CNTN4: variants seen among roughly 807,000 people sequenced by gnomAD.
CNTN4 encodes contactin-4.
A neutral mutation model predicts 122.5 loss-of-function variants in CNTN4; 77 were observed. The ratio of observed to expected loss-of-function variants is 0.63; its 90% confidence interval spans 0.52 to 0.76. The LOEUF (loss-of-function observed/expected upper bound fraction) is 0.76, where lower values mean the gene tolerates loss of function less well. Ranked by LOEUF, CNTN4 falls within the 30% of genes least tolerant of loss-of-function variation. The pLI is 0.00. For missense variants in CNTN4, 1,256 were observed against 1,259.1 expected (o/e 1.00, Z 0.04); for synonymous variants, 512 against 447.0 (o/e 1.15, Z -1.83).
intron 3 of CNTN4, among the ~76,000 whole-genome samples, chr3:2,394,950 C>A (rs1022351973): frequency 2.6e-5 from 4 of 152,098 alleles, no homozygotes; most frequent in African/African-American, 9.6e-5. Flanking sequence ...CCACACCCAG[C>A]TAACTTTTGT....
intron 2 of CNTN4, among the ~76,000 whole-genome samples, chr3:2,325,540 G>A (rs147047995): frequency 6.3e-4 from 96 of 152,210 alleles, no homozygotes; most frequent in African/African-American, 2.1e-3. Context: ...ATGGCTTTTA[G>A]AACTCCAACA....
At chr3:2,922,865 C>A (rs1577286010) in intron 12 of CNTN4, among the ~76,000 whole-genome samples, 1 of 152,180 alleles carries the variant, frequency 6.6e-6, no homozygotes, top group Admixed American at 6.5e-5. Flanking sequence ...CCCACCTCAG[C>A]CTCCCAAAGT....
chr3:2,320,631 A>G (rs1296794208), intron 2 of CNTN4, among the ~76,000 whole-genome samples: 1 of 152,094 alleles, frequency 6.6e-6, no homozygotes, highest in East Asian at 1.9e-4. Flanking sequence ...TTAATTTACC[A>G]TTTTCATGAT....
rs1221007721 is a variant in CNTN4 at position 2,709,471 on chromosome 3, C to G, written c.56-26744C>G. On this transcript the variant is annotated intron_variant, in intron 4 of 24. Transcript: ENST00000418658. The surrounding 1 kb of genome is among the most constrained non-coding windows in gnomAD (Gnocchi z 5.0). ...CGTGTGCAATGGGGGATGGGAACTA[C>G]TGAAACCTAATCCCCGCAATTACAG... Among the ~76,000 whole-genome samples, 1 of 152,150 alleles carries G rather than the reference C, an allele frequency of 6.6e-6. No homozygotes were observed. The highest frequency in any genetic ancestry group is 1.9e-4 in the East Asian group (1 of 5,196).
At chr3:2,271,093 G>C (rs914737797) in intron 2 of CNTN4, among the ~76,000 whole-genome samples, 1 of 124,818 alleles carries the variant, frequency 8.0e-6, no homozygotes, top group Non-Finnish European at 2.0e-5. Context: ...ATATCATGCT[G>C]TTTCTGTAAA....
chr3:2,838,949 T>C (rs182111728), intron 7 of CNTN4, among the ~76,000 whole-genome samples: 23 of 152,310 alleles, frequency 1.5e-4, no homozygotes, highest in Non-Finnish European at 2.5e-4. Flanking sequence ...CTGTAACTCA[T>C]AGGGGGTTCA....
chr3:2,840,436 C>T (rs1268205383), intron 7 of CNTN4, among the ~76,000 whole-genome samples: 3 of 151,622 alleles, frequency 2.0e-5, no homozygotes, highest in East Asian at 3.9e-4. Flanking sequence ...CGCGGTGGCT[C>T]ACGCCTGTCA....
chr3:2,892,711 A>C (rs1356257527), intron 10 of CNTN4, among the ~76,000 whole-genome samples: 2 of 152,200 alleles, frequency 1.3e-5, no homozygotes, highest in Admixed American at 1.3e-4. Context: ...TCTCTTTGTA[A>C]CAGGTGTTAT....
chr3:2,350,160 T>C (rs1360884898), intron 3 of CNTN4, among the ~76,000 whole-genome samples: 1 of 152,150 alleles, frequency 6.6e-6, no homozygotes, highest in East Asian at 1.9e-4. Context: ...AGATCCTTGC[T>C]AGGAGAATGA....
chr3:2,301,714 T>G (rs1456943503), intron 2 of CNTN4, among the ~76,000 whole-genome samples: 1 of 152,208 alleles, frequency 6.6e-6, no homozygotes, highest in Non-Finnish European at 1.5e-5. Context: ...AGTCTGAGTT[T>G]AACTGACTCA....
intron 2 of CNTN4, among the ~76,000 whole-genome samples, chr3:2,322,701 A>C (rs1424656070): frequency 1.3e-5 from 2 of 152,194 alleles, no homozygotes; most frequent in African/African-American, 4.8e-5. Flanking sequence ...TTAGCTCTCC[A>C]CAATAAAATG....
At chr3:2,629,999 C>T (rs2082360798) in intron 4 of CNTN4, among the ~76,000 whole-genome samples, 1 of 152,106 alleles carries the variant, frequency 6.6e-6, no homozygotes, top group African/African-American at 2.4e-5. Flanking sequence ...GACCCTGAGC[C>T]GAATCTGCCT....
At chr3:2,837,197 C>A (rs1023822583) in intron 7 of CNTN4, among the ~76,000 whole-genome samples, 3 of 151,982 alleles carry the variant, frequency 2.0e-5, no homozygotes. Flanking sequence ...CCTCTTTTTC[C>A]AAAAAAAGCA....
At chr3:2,228,153 A>G (rs1415404403) in intron 2 of CNTN4, among the ~76,000 whole-genome samples, 1 of 152,126 alleles carries the variant, frequency 6.6e-6, no homozygotes, top group Non-Finnish European at 1.5e-5. Flanking sequence ...ATAATTATGT[A>G]TTTAATTTAT....
intron 6 of CNTN4, among the ~76,000 whole-genome samples, chr3:2,803,895 A>G (rs2092404354): frequency 6.6e-6 from 1 of 152,092 alleles, no homozygotes; most frequent in Non-Finnish European, 1.5e-5. Context: ...CACACAATTA[A>G]AATGAATGAA....
intron 3 of CNTN4, among the ~76,000 whole-genome samples, chr3:2,568,457 G>T (rs1310366175): frequency 3.3e-5 from 5 of 152,038 alleles, no homozygotes; most frequent in Non-Finnish European, 7.4e-5. Context: ...TTCTTGGGCA[G>T]GATCTCAAAA....
At chr3:2,182,310 A>G (rs553016198) in intron 2 of CNTN4, among the ~76,000 whole-genome samples, 14 of 152,142 alleles carry the variant, frequency 9.2e-5, no homozygotes, top group South Asian at 8.3e-4. Flanking sequence ...ATACACATAT[A>G]TATCTATCCT....
intron 3 of CNTN4, among the ~76,000 whole-genome samples, chr3:2,436,885 A>G (rs1225563395): frequency 6.6e-6 from 1 of 150,682 alleles, no homozygotes; most frequent in East Asian, 1.9e-4. Context: ...ATGGAGGTAA[A>G]TTGGTAGATT....
At chr3:2,985,124 C>T (rs1363056299) in intron 13 of CNTN4, 1 of 152,134 alleles carries the variant, frequency 6.6e-6, no homozygotes, top group African/African-American at 2.4e-5. Context: ...ATTTAGCTTA[C>T]GCTAAATTAT....
Sources: gnomAD v4.1 joint callset for allele counts (sites outside exome capture counted in the v4.1 genomes callset) on GRCh38, gnomAD v4.1.1 for gene constraint, Gnocchi (gnomAD v3.1) non-coding constraint, MANE v1.5 for transcripts, NCBI Gene and HGNC (gene_info 2026-07-23, HGNC 2026-07-21) for gene names.